ACVR1C: variants seen among roughly 807,000 people sequenced by gnomAD.
ACVR1C encodes activin A receptor type 1C.
A neutral mutation model predicts 57.9 loss-of-function variants in ACVR1C; 23 were observed. The ratio of observed to expected loss-of-function variants is 0.40; its 90% confidence interval spans 0.29 to 0.56. The LOEUF is 0.56. Ranked by LOEUF, ACVR1C falls within the 20% of genes least tolerant of loss-of-function variation. The pLI, the probability that ACVR1C is intolerant of heterozygous loss-of-function variation, is 0.50. For synonymous variants in ACVR1C, 214 were observed against 215.3 expected, an observed-to-expected ratio of 0.99 and a Z score of 0.05; for missense variants, 480 against 607.9, an observed-to-expected ratio of 0.79 and a Z score of 2.21.
chr2:157,528,704 A>C lies in ACVR1C; in HGVS notation c.*5214T>G, dbSNP rs956210219. 3.3e-5 allele frequency: 5 copies of C among 152,156 alleles called. No homozygotes were observed. In the South Asian group the frequency reaches 1.0e-3, roughly 31 times the overall value. The allele number at this position is 152,156 out of a possible 1,614,324, so 9.4% of individuals were successfully genotyped here. A position where few individuals can be genotyped will look rare whatever the true frequency, so the allele number is the denominator to read the frequency against. On this transcript the variant is annotated 3_prime_UTR_variant, in exon 9 of 9. Coordinates refer to ENST00000243349, the MANE Select transcript of ACVR1C (RefSeq NM_145259.3). ...TTTCAAATTGTCTTTCCCAGTTACT[A>C]TTTCTCAAGCGGAATTTAGCATTAA...
chr2:157,586,854 C>T (rs192453362), intron 2 of ACVR1C, among the ~76,000 whole-genome samples: 8 of 152,116 alleles, frequency 5.3e-5, no homozygotes, highest in East Asian at 3.9e-4. Flanking sequence ...TGATCTTAGC[C>T]GAAAGGCCAA....
intron 1 of ACVR1C, among the ~76,000 whole-genome samples, chr2:157,611,787 G>T (rs1242542828): frequency 6.6e-6 from 1 of 152,142 alleles, no homozygotes; most frequent in Non-Finnish European, 1.5e-5. Context: ...GTGGTGAAAT[G>T]GGCAGGGAGA....
intron 5 of ACVR1C, among the ~76,000 whole-genome samples, chr2:157,543,114 A>G (rs1171072249): frequency 6.6e-6 from 1 of 152,232 alleles, no homozygotes; most frequent in Non-Finnish European, 1.5e-5. Flanking sequence ...GCACTAGATG[A>G]CTAGATCACT....
intron 1 of ACVR1C, chr2:157,597,465 G>A (rs370663270): frequency 2.0e-6 from 2 of 985,310 alleles, no homozygotes; most frequent in Admixed American, 6.1e-5. Context: ...TGCGGTCGCC[G>A]GGATGCCCCA....
chr2:157,599,314 C>CAAAAAAAAAAAAA (rs60182304), intron 1 of ACVR1C, among the ~76,000 whole-genome samples: 1 of 40,602 alleles, frequency 2.5e-5, no homozygotes, highest in African/African-American at 1.1e-4. Context: ...AGCCTGGGCT[C>CAAAAAAAAAAAAA]AAAAAAAAAA....
chr2:157,589,248 C>T (rs140388350), intron 1 of ACVR1C, among the ~76,000 whole-genome samples: 128 of 151,968 alleles, frequency 8.4e-4, no homozygotes, highest in Middle Eastern at 6.8e-3. Context: ...AAGCTGGTAT[C>T]ACACTGTGAT....
At chr2:157,619,355 G>C (rs1291580464) in intron 1 of ACVR1C, among the ~76,000 whole-genome samples, 2 of 151,878 alleles carry the variant, frequency 1.3e-5, no homozygotes, top group African/African-American at 2.4e-5. Flanking sequence ...TTTTAACTCA[G>C]TATAAATAAA....
intron 7 of ACVR1C, 114 bp from the exon 8 acceptor site, chr2:157,538,817 A>G (rs1368675819): frequency 1.2e-6 from 1 of 802,674 alleles, no homozygotes; most frequent in Admixed American, 4.1e-5. Context: ...GGAACTGGAA[A>G]GTCAAGTTTA....
intron 7 of ACVR1C, among the ~76,000 whole-genome samples, chr2:157,540,109 T>G (rs1185789037): frequency 1.3e-5 from 2 of 152,234 alleles, no homozygotes; most frequent in African/African-American, 4.8e-5. Context: ...CATTAAATCC[T>G]TAAAGCCCAT....
chr2:157,554,262 A>AGAAAGAAG (rs1558975082), intron 3 of ACVR1C, among the ~76,000 whole-genome samples: 1 of 141,012 alleles, frequency 7.1e-6, no homozygotes, highest in Non-Finnish European at 1.5e-5. Context: ...AAAGAAAGAA[A>AGAAAGAAG]GAAAGAAAGG....
At chr2:157,557,155 A>G (rs1688123711) in intron 2 of ACVR1C, among the ~76,000 whole-genome samples, 1 of 139,892 alleles carries the variant, frequency 7.1e-6, no homozygotes, top group Admixed American at 7.2e-5. Context: ...GCAAGAAAGA[A>G]TGGTGCTACA....
intron 3 of ACVR1C, among the ~76,000 whole-genome samples, chr2:157,553,409 T>TA (rs397740680): frequency 8.6e-5 from 13 of 151,932 alleles, no homozygotes; most frequent in African/African-American, 2.4e-4. Flanking sequence ...TTTTTTTTTT[T>TA]AAATGAGAGA....
chr2:157,579,189 G>C (rs1355233949), intron 2 of ACVR1C, among the ~76,000 whole-genome samples: 1 of 152,200 alleles, frequency 6.6e-6, no homozygotes, highest in South Asian at 2.1e-4. Flanking sequence ...TTTTTGAGCT[G>C]TTACCTTTGC....
rs1332784034 is a variant in ACVR1C at position 157,530,025 on chromosome 2, T to C, written c.*3893A>G. 1 of 152,096 alleles carries C rather than the reference T, an allele frequency of 6.6e-6. No homozygotes were observed. Among genetic ancestry groups the C allele is most frequent in the African/African-American group, 2.4e-5 (1 of 41,458 alleles). The allele number at this position is 152,096 out of a possible 1,614,324, so 9.4% of individuals were successfully genotyped here. On this transcript the variant is annotated 3_prime_UTR_variant, in exon 9 of 9. Coordinates refer to ENST00000243349, the MANE Select transcript of ACVR1C (RefSeq NM_145259.3). The stretch of plus-strand genomic sequence containing the variant: ...CAGCACACAGAGCTAGAACAAAGCA[T>C]TGTCAAACAGAAATAGTATGTTTCA...
intron 2 of ACVR1C, 68 bp downstream of exon 2, chr2:157,587,118 AT>A (rs1688941871): frequency 7.5e-7 from 1 of 1,336,498 alleles, no homozygotes. Flanking sequence ...AGACAGTTTG[AT>A]TCCTACCATT....
chr2:157,584,984 C>G (rs751293889), intron 2 of ACVR1C, among the ~76,000 whole-genome samples: 5 of 152,104 alleles, frequency 3.3e-5, no homozygotes, highest in Admixed American at 6.6e-5. Context: ...CAGTTCCTCC[C>G]CCTCTTAAAA....
Position 157,628,555 on chromosome 2 carries a change from A to G in ACVR1C, c.73+17T>C. Reference sequence around the variant, plus strand: ...CTCCCACCCTCGCGGGCGTCGGGAGAGAAACCAGCACCGTACCTGGCGAGA... The same window carrying G: ...CTCCCACCCTCGCGGGCGTCGGGAGGGAAACCAGCACCGTACCTGGCGAGA... On this transcript the variant is annotated intron_variant, in intron 1 of 8. Coordinates refer to ENST00000243349, the MANE Select transcript of ACVR1C (RefSeq NM_145259.3). 1.2e-6 allele frequency: 2 copies of G among 1,605,870 alleles called. No individual in the cohort carries two copies. The highest frequency in any genetic ancestry group is 1.1e-5 in the South Asian group (1 of 89,966).
chr2:157,621,245 T>C (rs920566205), intron 1 of ACVR1C, among the ~76,000 whole-genome samples: 3 of 152,030 alleles, frequency 2.0e-5, no homozygotes, highest in African/African-American at 7.2e-5. Flanking sequence ...TAGAAGCTAT[T>C]CTAGAGGAAA....
At chr2:157,560,394 A>G (rs149792114) in intron 2 of ACVR1C, among the ~76,000 whole-genome samples, 13 of 152,326 alleles carry the variant, frequency 8.5e-5, no homozygotes, top group East Asian at 3.9e-4. Flanking sequence ...GAGAAAGTCA[A>G]TCCCTCAAGA....
Sources: gnomAD v4.1 joint callset for allele counts (sites outside exome capture counted in the v4.1 genomes callset) on GRCh38, gnomAD v4.1.1 for gene constraint, MANE v1.5 for transcripts, NCBI Gene and HGNC (gene_info 2026-07-23, HGNC 2026-07-21) for gene names.